The following ARHGEF26 variants were observed in gnomAD, a reference collection of about 807,000 sequenced individuals.
ARHGEF26 encodes Rho guanine nucleotide exchange factor 26, also known as Rho guanine nucleotide exchange factor (GEF) 26.
ARHGEF26 carries 59 observed loss-of-function variants against 89.4 expected under a neutral mutation model. The ratio of observed to expected loss-of-function variants is 0.66; its 90% CI spans 0.54 to 0.82. The LOEUF is 0.82. Among genes scored for constraint, ARHGEF26 ranks in the 40% least tolerant of loss-of-function variants. ARHGEF26 has a pLI of 0.00. For missense variants in ARHGEF26, 1,234 were observed against 1,085.6 expected, an observed-to-expected ratio of 1.14 and a Z score of -1.92; for synonymous variants, 500 against 428.4, an observed-to-expected ratio of 1.17 and a Z score of -2.06.
chr3:154,192,896 A>G (rs928865044), intron 8 of ARHGEF26, among the ~76,000 whole-genome samples: 6 of 152,182 alleles, frequency 3.9e-5, no homozygotes, highest in African/African-American at 1.4e-4. Context: ...TCCAGATTTT[A>G]TATATGCTGT....
chr3:154,176,180 C>T (rs1712805886), intron 6 of ARHGEF26, among the ~76,000 whole-genome samples: 1 of 152,180 alleles, frequency 6.6e-6, no homozygotes, highest in Non-Finnish European at 1.5e-5. Context: ...GTGCAGCCTT[C>T]CCCTGAGTAA....
intron 6 of ARHGEF26, among the ~76,000 whole-genome samples, chr3:154,186,245 A>T (rs1405299645): frequency 7.9e-5 from 12 of 152,134 alleles, no homozygotes; most frequent in Admixed American, 7.9e-4. Flanking sequence ...TTGAAAACAG[A>T]CACAAGAATA....
intron 12 of ARHGEF26, among the ~76,000 whole-genome samples, chr3:154,250,298 A>C (rs909624016): frequency 2.0e-5 from 3 of 152,018 alleles, no homozygotes; most frequent in Non-Finnish European, 4.4e-5. Context: ...AAGTGCTGGG[A>C]TTACAAGTGT....
At chr3:154,210,453 A>G (rs1472164159) in intron 9 of ARHGEF26, among the ~76,000 whole-genome samples, 4 of 151,818 alleles carry the variant, frequency 2.6e-5, no homozygotes, top group Admixed American at 6.6e-5. Context: ...AGCTGGGATT[A>G]CAGGCACTCA....
At chr3:154,203,482 C>T (rs552113301) in intron 9 of ARHGEF26, among the ~76,000 whole-genome samples, 27 of 152,082 alleles carry the variant, frequency 1.8e-4, no homozygotes, top group Non-Finnish European at 3.2e-4. Flanking sequence ...TTATATCATT[C>T]TCTTGTTTGA....
intron 11 of ARHGEF26, among the ~76,000 whole-genome samples, chr3:154,231,964 T>C (rs970898953): frequency 1.3e-5 from 2 of 152,126 alleles, no homozygotes; most frequent in Non-Finnish European, 2.9e-5. Flanking sequence ...CTGAAAAATG[T>C]GAAATAAATA....
At chr3:154,223,176 G>A (rs1362043419) in intron 10 of ARHGEF26, among the ~76,000 whole-genome samples, 1 of 152,186 alleles carries the variant, frequency 6.6e-6, no homozygotes, top group Non-Finnish European at 1.5e-5. Context: ...CATTCAGTGT[G>A]ATTGAGTGGA....
intron 12 of ARHGEF26, among the ~76,000 whole-genome samples, chr3:154,242,042 A>T (rs149264503): frequency 1.5e-3 from 227 of 152,324 alleles, no homozygotes; most frequent in African/African-American, 5.2e-3. Context: ...ATTACAAGGC[A>T]CCCACATAAA....
intron 11 of ARHGEF26, among the ~76,000 whole-genome samples, chr3:154,235,075 A>G (rs574177704): frequency 4.6e-5 from 7 of 151,408 alleles, no homozygotes; most frequent in East Asian, 1.9e-4. Context: ...TTTTTCCACA[A>G]TCTTTCTGGC....
At chr3:154,142,743 T>G (rs1458619245) in intron 4 of ARHGEF26, among the ~76,000 whole-genome samples, 1 of 152,238 alleles carries the variant, frequency 6.6e-6, no homozygotes, top group African/African-American at 2.4e-5. Flanking sequence ...TCAGACCTGT[T>G]GTACCTTCCT....
chr3:154,253,247 C>T (rs375775378), intron 13 of ARHGEF26, 64 bp downstream of exon 13: 7 of 1,583,542 alleles, frequency 4.4e-6, no homozygotes, highest in Middle Eastern at 1.7e-4. Flanking sequence ...TGCTGGACGC[C>T]GGGTTACTAA....
chr3:154,217,105 ACCACACTGACTT>A (rs1206347066), intron 9 of ARHGEF26, among the ~76,000 whole-genome samples: 1 of 151,706 alleles, frequency 6.6e-6, no homozygotes, highest in Non-Finnish European at 1.5e-5. Flanking sequence ...CTGAGGAGTC[ACCACACTGACTT>A]CCACAATGGT....
intron 4 of ARHGEF26, among the ~76,000 whole-genome samples, chr3:154,135,392 T>G (rs948084103): frequency 1.1e-4 from 17 of 152,306 alleles, no homozygotes; most frequent in Middle Eastern, 3.4e-3. Flanking sequence ...TTCTGATGGT[T>G]GTTTGTATTT....
chr3:154,186,461 A>G (rs1185117631), intron 6 of ARHGEF26, among the ~76,000 whole-genome samples: 1 of 152,114 alleles, frequency 6.6e-6, no homozygotes. Flanking sequence ...CTATTTATAC[A>G]CTAAATCTGG....
intron 4 of ARHGEF26, among the ~76,000 whole-genome samples, chr3:154,145,575 G>A (rs1333113281): frequency 6.6e-6 from 1 of 152,118 alleles, no homozygotes; most frequent in Non-Finnish European, 1.5e-5. Context: ...GGTTTGTGAG[G>A]CTTTTGGGTT....
chr3:154,217,113 G>A (rs1272169931), intron 9 of ARHGEF26, among the ~76,000 whole-genome samples: 1 of 151,866 alleles, frequency 6.6e-6, no homozygotes, highest in African/African-American at 2.4e-5. Flanking sequence ...TCACCACACT[G>A]ACTTCCACAA....
chr3:154,188,021 G>A (rs968622803), intron 7 of ARHGEF26, among the ~76,000 whole-genome samples, 184 bp downstream of exon 7: 1 of 152,160 alleles, frequency 6.6e-6, no homozygotes, highest in East Asian at 1.9e-4. Flanking sequence ...AAAATCTAGT[G>A]TGTAGAGAAT....
intron 4 of ARHGEF26, among the ~76,000 whole-genome samples, chr3:154,139,629 T>C (rs749116276): frequency 1.3e-5 from 2 of 152,182 alleles, no homozygotes; most frequent in African/African-American, 2.4e-5. Flanking sequence ...AGTCCAAAGA[T>C]AGGGCTATTT....
rs1001131977 is a variant in ARHGEF26, at chr3:154,232,324, T to C, written c.2090+6314T>C. 2.6e-5 allele frequency among the ~76,000 whole-genome samples: 4 copies of C among 152,292 alleles called. No homozygotes were observed. The South Asian group carries it at 8.3e-4, about 32-fold the overall frequency. ...TTTTGGTGGCAGTCATACTGATGAA[T>C]GGGGATCCTCATCTCCACTATTTGT... is the stretch of plus-strand genomic sequence containing the variant. On this transcript the variant is annotated intron_variant, in intron 11 of 14. Coordinates refer to ENST00000465093, the MANE Select transcript of ARHGEF26 (RefSeq NM_015595.4).
Sources: gnomAD v4.1 joint callset for allele counts (sites outside exome capture counted in the v4.1 genomes callset) on GRCh38, gnomAD v4.1.1 for gene constraint, MANE v1.5 for transcripts, NCBI Gene and HGNC (gene_info 2026-07-23, HGNC 2026-07-21) for gene names.